AP2A2: variants seen among roughly 807,000 people sequenced by gnomAD.
AP2A2 encodes the protein adaptor related protein complex 2 subunit alpha 2.
In AP2A2, 32 loss-of-function variants were observed where a neutral mutation model predicts 104.2. The ratio of observed to expected loss-of-function variants is 0.31; its 90% CI spans 0.23 to 0.41. The LOEUF is 0.41. Ranked by LOEUF, AP2A2 falls within the 10% of genes least tolerant of loss-of-function variation. AP2A2 has a pLI of 1.00. For synonymous variants in AP2A2, 539 were observed against 533.3 expected (o/e 1.01, Z -0.15); for missense variants, 912 against 1,261.0 (o/e 0.72, Z 4.19).
Position 988,355 on chromosome 11 carries a change from C to T in AP2A2, c.1132-197C>T, listed in dbSNP as rs192165473. 3.7e-3 allele frequency among the ~76,000 whole-genome samples: 567 copies of T among 152,340 alleles called. 2 individuals are homozygous for T. Among genetic ancestry groups the T allele is most frequent in the Admixed American group, 8.4e-3 (128 of 15,304 alleles). On this transcript the variant is annotated intron_variant, in intron 9 of 21. Transcript: ENST00000448903. ...GCGAAGCTGGCCTGTGCGGGAGGGC[C>T]GGGCCAGCAGGCGGAACTCTATTCC...
chr11:936,456 C>CA (rs1228087727), intron 1 of AP2A2, among the ~76,000 whole-genome samples: 4 of 152,054 alleles, frequency 2.6e-5, no homozygotes, highest in Non-Finnish European at 2.9e-5. Context: ...TGCAATGTTG[C>CA]AATCATAGCT....
At chr11:999,506 A>T (rs1590015538) in intron 14 of AP2A2, among the ~76,000 whole-genome samples, 1 of 152,194 alleles carries the variant, frequency 6.6e-6, no homozygotes, top group South Asian at 2.1e-4. Flanking sequence ...CAAAAAAAAC[A>T]AAAACAGAGA....
chr11:979,827 A>G (rs941124170), intron 5 of AP2A2, among the ~76,000 whole-genome samples: 2 of 152,178 alleles, frequency 1.3e-5, no homozygotes, highest in African/African-American at 4.8e-5. Context: ...TCGGCCTCCC[A>G]AAGTGCTGGG....
In AP2A2 at chr11:970,319, T is replaced by C; in HGVS notation, c.279+8T>C. 1 of 1,613,128 alleles carries C rather than the reference T, an allele frequency of 6.2e-7. No individual in the cohort carries two copies. Among genetic ancestry groups the C allele is most frequent in the Non-Finnish European group, 8.5e-7 (1 of 1,179,326 alleles). On this transcript the variant is annotated splice_region_variant and intron_variant, in intron 3 of 21. Transcript: ENST00000448903. ...TACACGGAAAAGCAGATCGTGAGTA[T>C]CGCTGCAGGTGGAGACGGCAGAGGA...
intron 7 of AP2A2, 143 bp from the exon 8 acceptor site, chr11:985,292 T>G: frequency 8.5e-7 from 1 of 1,174,448 alleles, no homozygotes; most frequent in Non-Finnish European, 1.2e-6. Context: ...CTGTCTCAGT[T>G]TTGTAAATGC....
intron 14 of AP2A2, among the ~76,000 whole-genome samples, chr11:994,592 G>C (rs1301024414): frequency 7.0e-6 from 1 of 142,016 alleles, no homozygotes. Flanking sequence ...CCGTTGTCCT[G>C]TCCCGGGGGC....
intron 5 of AP2A2, among the ~76,000 whole-genome samples, chr11:980,781 A>G (rs1346845778): frequency 6.6e-6 from 1 of 152,240 alleles, no homozygotes; most frequent in Non-Finnish European, 1.5e-5. Context: ...GGTTGTAAAG[A>G]TTCAGATCAG....
intron 2 of AP2A2, among the ~76,000 whole-genome samples, chr11:967,135 C>G (rs1191750319): frequency 1.3e-5 from 2 of 152,022 alleles, no homozygotes; most frequent in African/African-American, 4.8e-5. Context: ...CCACTGCACT[C>G]CAGCCTGGGC....
chr11:971,977 G>T, intron 3 of AP2A2, 85 bp from the exon 4 acceptor site: 2 of 1,348,176 alleles, frequency 1.5e-6, no homozygotes, highest in East Asian at 2.5e-5. Flanking sequence ...CCGCATCTGT[G>T]TGTCACTGAT....
At chr11:941,189 C>A (rs549326799) in intron 1 of AP2A2, among the ~76,000 whole-genome samples, 2 of 152,184 alleles carry the variant, frequency 1.3e-5, no homozygotes, top group African/African-American at 4.8e-5. Flanking sequence ...CAAGCCTTTT[C>A]GGGTTCTCTG....
intron 15 of AP2A2, among the ~76,000 whole-genome samples, chr11:1,001,740 G>A (rs1011293635): frequency 3.9e-5 from 6 of 152,182 alleles, no homozygotes; most frequent in African/African-American, 1.4e-4. Flanking sequence ...ACCAGGGGCT[G>A]GGCAGTCCGT....
chr11:1,007,332 T>C lies in AP2A2; in HGVS notation c.2297-680T>C, dbSNP rs547079510. The C allele has an allele frequency of 4.6e-5, 7 of 153,536 alleles. No homozygotes were observed. In the East Asian group the frequency reaches 1.3e-3, roughly 30 times the overall value. 9.5% of individuals were successfully genotyped at this position (153,536 alleles called of 1,614,324 possible). A position where few individuals can be genotyped will look rare whatever the true frequency, so the allele number is the denominator to read the frequency against. On this transcript the variant is annotated intron_variant, in intron 17 of 21. Coordinates refer to ENST00000448903, the MANE Select transcript of AP2A2 (RefSeq NM_012305.4). ...TCAAAACAGTCATTAAAAATACACATGCAGGAGCACCTGTATTAAAGACTT... is the reference window on the plus strand; with the variant it reads ...TCAAAACAGTCATTAAAAATACACACGCAGGAGCACCTGTATTAAAGACTT...
intron 5 of AP2A2, among the ~76,000 whole-genome samples, chr11:977,704 AGT>A (rs1422692107): frequency 6.6e-6 from 1 of 151,528 alleles, no homozygotes; most frequent in Non-Finnish European, 1.5e-5. Context: ...GGGCTGTGCT[AGT>A]GTGTGAGCCT....
chr11:984,616 CGT>C, intron 6 of AP2A2, 27 bp from the exon 7 acceptor site: 1 of 1,551,618 alleles, frequency 6.4e-7, no homozygotes, highest in Non-Finnish European at 8.9e-7. Context: ...TGTCCGGCAG[CGT>C]GTCTCATTGC....
At chr11:978,661 G>A (rs115338244) in intron 5 of AP2A2, among the ~76,000 whole-genome samples, 1,602 of 152,270 alleles carry the variant, frequency 0.011, 32 homozygotes, top group African/African-American at 0.037. Context: ...GCTGTCTTTT[G>A]TGTGGCCATG....
intron 18 of AP2A2, 43 bp from the exon 19 acceptor site, chr11:1,009,056 AG>A: frequency 6.7e-7 from 1 of 1,497,246 alleles, no homozygotes; most frequent in South Asian, 1.1e-5. Flanking sequence ...GGGCTCTCAG[AG>A]GAGTAGCTGA....
Position 993,469 on chromosome 11 carries a change from T to C in AP2A2, c.1550+88T>C, listed in dbSNP as rs953038843. On this transcript the variant is annotated intron_variant, in intron 12 of 21. Transcript: ENST00000448903. The surrounding 1 kb of genome is among the most constrained non-coding windows in gnomAD (Gnocchi z 8.2). ...CAAGAGGCGAGGCACCAGCTGGCCC[T>C]GCCGTGAGGCCTCGCAGAGCCGCTT... is the stretch of plus-strand genomic sequence containing the variant. 1.1e-5 allele frequency: 12 copies of C among 1,060,916 alleles called. No homozygotes were observed. Among genetic ancestry groups the C allele is most frequent in the Non-Finnish European group, 1.6e-5 (12 of 757,496 alleles). The allele number at this position is 1,060,916 out of a possible 1,614,324, so 65.7% of individuals were successfully genotyped here.
Position 993,845 on chromosome 11 carries a change from G to C in AP2A2, c.1642G>C (p.Val548Leu). ...GCTCCTGTCCACCTACATCAAGTTC[G>C]TGAACCTCTTCCCGGAGGTGAAGCC... ...ALLLSTYIKF[V>L]NLFPEVKPTI... The change falls in exon 13 of 22, where the codon GTG becomes CTG. Residue 548 changes from valine to leucine, a missense_variant. By Grantham distance (32) the Val-to-Leu change is conservative. Transcript: ENST00000448903. This position sits in a 1 kb window ranked among gnomAD's most constrained non-coding sequence, Gnocchi z 8.2. 6.2e-7 allele frequency: 1 copy of C among 1,609,388 alleles called. No homozygotes were observed. Among genetic ancestry groups the C allele is most frequent in the Non-Finnish European group, 8.5e-7 (1 of 1,179,706 alleles).
At chr11:948,425 T>C (rs539990502) in intron 1 of AP2A2, 1 of 152,224 alleles carries the variant, frequency 6.6e-6, no homozygotes, top group African/African-American at 2.4e-5. Context: ...GAATAGTTGC[T>C]CACTTTGGCA....
Sources: gnomAD v4.1 joint callset for allele counts (sites outside exome capture counted in the v4.1 genomes callset) on GRCh38, gnomAD v4.1.1 for gene constraint, Gnocchi (gnomAD v3.1) non-coding constraint, MANE v1.5 for transcripts, NCBI Gene and HGNC (gene_info 2026-07-23, HGNC 2026-07-21) for gene names.